NACAD: variants seen among roughly 807,000 people sequenced by gnomAD.
NACAD encodes NAC alpha domain containing.
A neutral mutation model predicts 98.9 loss-of-function variants in NACAD; 47 were observed. The observed-to-expected ratio is 0.48, with a 90% CI of 0.38 to 0.61. The LOEUF is 0.61. Among genes scored for constraint, NACAD ranks in the 20% least tolerant of loss-of-function variants. The pLI is 0.00. For synonymous variants in NACAD, 696 were observed against 767.2 expected (o/e 0.91, Z 1.53); for missense variants, 1,412 against 1,748.2 (o/e 0.81, Z 3.43).
chr7:45,082,253 C>CTTGG lies in NACAD; in HGVS notation c.3923_3926dup (p.Lys1309AsnfsTer45). 6.5e-7 allele frequency: 1 copy of CTTGG among 1,550,236 alleles called. No individual in the cohort carries two copies. The highest frequency in any genetic ancestry group is 8.7e-7 in the Non-Finnish European group (1 of 1,146,652). On this transcript the variant is annotated frameshift_variant, in exon 2 of 8. Coordinates refer to ENST00000490531, the MANE Select transcript of NACAD (RefSeq NM_001146334.2). LOFTEE classifies it high-confidence loss of function. The surrounding 1 kb of genome is among the most constrained non-coding windows in gnomAD (Gnocchi z 4.5). ...GGTCTTTGGCATCCATGGAGGCCAC[C>CTTGG]TTGGGGCTGAGGAGTGGGGAGTGAG...
Position 45,085,635 on chromosome 7 carries a change from T to C in NACAD, c.545A>G (p.Lys182Arg), listed in dbSNP as rs375613168. 9.0e-6 allele frequency: 14 copies of C among 1,547,862 alleles called. No individual in the cohort carries two copies. In the South Asian group the frequency reaches 1.4e-4, roughly 16 times the overall value. ...GGCAGGAAGCAGGGCATAGGTGGTC[T>C]TGGTGGGGGTGGAGGGAGGCGTGAA... ...SFFTPPSTPTKTTYALLPACG... is the reference protein window; with the variant it reads ...SFFTPPSTPTRTTYALLPACG... The change falls in exon 2 of 8, where the codon AAG (lysine) becomes AGG (arginine). Residue 182 changes from lysine (K) to arginine (R), a missense_variant. Lys to Arg is a conservative substitution (Grantham distance 26). Transcript: ENST00000490531. The surrounding 1 kb of genome is among the most constrained non-coding windows in gnomAD (Gnocchi z 6.1).
chr7:45,081,862 G>T lies in NACAD; in HGVS notation c.4078C>A (p.Pro1360Thr). 6.5e-7 allele frequency: 1 copy of T among 1,545,126 alleles called. No individual in the cohort carries two copies. ...TGCTGGCCCGAGCCCAGGGCCCGAG[G>T]CGAGTCTGGGGAAGGGGAGAGGTGT... ...EDEDSLEEDS[P>T]RALGSGQHSD... Residue 1360 changes from proline (P) to threonine (T), a missense_variant, in exon 3 of 8, where the codon CCT (proline) becomes ACT (threonine). Physicochemically the swap from Pro to Thr is conservative, Grantham distance 38. Transcript: ENST00000490531.
chr7:45,084,300 GAC>G lies in NACAD; in HGVS notation c.1878_1879del (p.Ser627ProfsTer4), dbSNP rs1784475951. On this transcript the variant is annotated frameshift_variant, in exon 2 of 8. Transcript: ENST00000490531. LOFTEE classifies it high-confidence loss of function. Reference sequence around the variant, plus strand: ...GGTGAGGCCCTCTTCAGCCTGCTGGGACACAATCGTGGCTGCAGCCACAGGCT... The same window carrying G: ...GGTGAGGCCCTCTTCAGCCTGCTGGGACAATCGTGGCTGCAGCCACAGGCT... 1 of 1,384,978 alleles carries G rather than the reference GAC, an allele frequency of 7.2e-7. No individual in the cohort carries two copies. The highest frequency in any genetic ancestry group is 9.5e-7 in the Non-Finnish European group (1 of 1,053,072). 85.8% of individuals were successfully genotyped at this position (1,384,978 alleles called of 1,614,324 possible).
At chr7:45,080,817 A>G in intron 6 of NACAD, 55 bp from the exon 7 acceptor site, 1 of 1,549,528 alleles carries the variant, frequency 6.5e-7, no homozygotes, top group South Asian at 1.2e-5. Context: ...CCTGGGGCAG[A>G]GCCCCCATGT....
chr7:45,082,411 C>T lies in NACAD; in HGVS notation c.3769G>A (p.Asp1257Asn), dbSNP rs1182121943. The change falls in exon 2 of 8, where the codon GAC becomes AAC. Residue 1257 changes from aspartate (D) to asparagine (N), a missense_variant. By Grantham distance (23) the Asp-to-Asn change is conservative. Transcript: ENST00000490531. The surrounding 1 kb of genome is among the most constrained non-coding windows in gnomAD (Gnocchi z 4.5). The part of the protein sequence containing the change: ...APCLCQDPQE[D>N]SVEDEEPPGS... ...GGGGGCTCCTCGTCTTCCACAGAGT[C>T]TTCCTGGGGGTCCTGGCACAGGCAG... 2 of 1,549,334 alleles carry T rather than the reference C, an allele frequency of 1.3e-6. No homozygotes were observed. Among genetic ancestry groups the T allele is most frequent in the Non-Finnish European group, 1.7e-6 (2 of 1,146,602 alleles).
At chr7:45,080,790 T>C in intron 6 of NACAD, 28 bp from the exon 7 acceptor site, 1 of 1,550,132 alleles carries the variant, frequency 6.5e-7, no homozygotes, top group African/African-American at 1.4e-5. Flanking sequence ...GGGAAGTGGC[T>C]GGAGCTGCTT....
Position 45,085,244 on chromosome 7 carries a change from G to A in NACAD, c.936C>T (p.Pro312=), listed in dbSNP as rs747003534. 15 of 1,551,324 alleles carry A rather than the reference G, an allele frequency of 9.7e-6. No homozygotes were observed. In the African/African-American group the frequency reaches 2.1e-4, roughly 21 times the overall value. The change falls in exon 2 of 8, where the codon CCC becomes CCT. Residue 312 remains proline (P), a synonymous_variant. Coordinates refer to ENST00000490531, the MANE Select transcript of NACAD (RefSeq NM_001146334.2). The surrounding 1 kb of genome is among the most constrained non-coding windows in gnomAD (Gnocchi z 6.1). ...CCTGAAAGATGAGGCTGCCCTGGAAGGGTAGGAGGGCTGCGGGGATCATTG... is the reference window on the plus strand; with the variant it reads ...CCTGAAAGATGAGGCTGCCCTGGAAAGGTAGGAGGGCTGCGGGGATCATTG... The part of the protein sequence containing the change: ...NDPMIPAALL[P]FQGSLIFQVE...
At chr7:45,087,665 G>T (rs1001304968) in intron 1 of NACAD, among the ~76,000 whole-genome samples, 8 of 152,262 alleles carry the variant, frequency 5.3e-5, no homozygotes, top group Admixed American at 1.3e-4. Context: ...CCTGAGCCCT[G>T]AACCACCAGC....
Position 45,082,900 on chromosome 7 carries a change from T to C in NACAD, c.3280A>G (p.Arg1094Gly), listed in dbSNP as rs993219328. 9 of 1,550,912 alleles carry C rather than the reference T, an allele frequency of 5.8e-6. No homozygotes were observed. Among genetic ancestry groups the C allele is most frequent in the Non-Finnish European group, 6.1e-6 (7 of 1,146,994 alleles). ...TCCCTTGCACCTCCAAGTGCTGACC[T>C]GGGTCCATGTTCCTGTGCCAGTGGC... The part of the protein sequence containing the change: ...LKPLAQEHGP[R>G]SALGGAREVP... The change falls in exon 2 of 8, where the codon AGG (arginine) becomes GGG (glycine). Residue 1094 changes from arginine (R) to glycine (G), a missense_variant. Coordinates refer to ENST00000490531, the MANE Select transcript of NACAD (RefSeq NM_001146334.2). This position sits in a 1 kb window ranked among gnomAD's most constrained non-coding sequence, Gnocchi z 4.5.
At position 45,085,796 on chromosome 7, in the gene NACAD, G is replaced by T; in HGVS notation, c.384C>A (p.Ala128=). ...RIVMGEETCQ[A]LLSPRAARTA... The stretch of plus-strand genomic sequence containing the variant: ...TCCGGGCAGCTCTGGGTGACAGGAG[G>T]GCCTGGCACGTCTCCTCTCCCATCA... Residue 128 remains alanine, a synonymous_variant, in exon 2 of 8, where the codon GCC becomes GCA. Coordinates refer to ENST00000490531, the MANE Select transcript of NACAD (RefSeq NM_001146334.2). This position sits in a 1 kb window ranked among gnomAD's most constrained non-coding sequence, Gnocchi z 6.1. 2 of 1,540,608 alleles carry T rather than the reference G, an allele frequency of 1.3e-6. No homozygotes were observed. The highest frequency in any genetic ancestry group is 2.5e-5 in the East Asian group (1 of 40,782).
chr7:45,085,247 T>C lies in NACAD; in HGVS notation c.933A>G (p.Leu311=). The change falls in exon 2 of 8, where the codon CTA becomes CTG. Residue 311 remains leucine, a synonymous_variant. Coordinates refer to ENST00000490531, the MANE Select transcript of NACAD (RefSeq NM_001146334.2). The surrounding 1 kb of genome is among the most constrained non-coding windows in gnomAD (Gnocchi z 6.1). ...GAAAGATGAGGCTGCCCTGGAAGGG[T>C]AGGAGGGCTGCGGGGATCATTGGGT... ...ANDPMIPAAL[L]PFQGSLIFQV... is the part of the protein sequence containing the mutation. 3.9e-6 allele frequency: 6 copies of C among 1,551,052 alleles called. No homozygotes were observed. The highest frequency in any genetic ancestry group is 5.2e-6 in the Non-Finnish European group (6 of 1,146,836).
At position 45,088,541 on chromosome 7, in the gene NACAD, A is replaced by C. The variant is rs1784556338; in HGVS notation, c.67+287T>G. On this transcript the variant is annotated intron_variant, in intron 1 of 7. Transcript: ENST00000490531. The surrounding 1 kb of genome is among the most constrained non-coding windows in gnomAD (Gnocchi z 5.7). ...CAGCTCGGTGCAAACAACGGGATGC[A>C]GCGGGCGGGATGCGAGCCCCACGAT... 1.3e-5 allele frequency among the ~76,000 whole-genome samples: 2 copies of C among 152,188 alleles called. No individual in the cohort carries two copies. The highest frequency in any genetic ancestry group is 2.9e-5 in the Non-Finnish European group (2 of 68,020).
In NACAD at chr7:45,083,429, G is replaced by A; in HGVS notation, c.2751C>T (p.Pro917=). The change falls in exon 2 of 8, where the codon CCC becomes CCT. Residue 917 remains proline, a synonymous_variant. Coordinates refer to ENST00000490531, the MANE Select transcript of NACAD (RefSeq NM_001146334.2). ...GAGGTGCTGTCATAGCGGAGTCCTG[G>A]GGTAAGGTGAGGCCCTCTTCAGCCT... The part of the protein sequence containing the change: ...SQQAEEGLTL[P]QDSAMTAPLP... 6.5e-7 allele frequency: 1 copy of A among 1,548,634 alleles called. No homozygotes were observed.
intron 1 of NACAD, 81 bp from the exon 2 acceptor site, chr7:45,086,193 C>T: frequency 7.1e-7 from 1 of 1,414,460 alleles, no homozygotes; most frequent in Non-Finnish European, 9.5e-7. Flanking sequence ...TGAATTCCGG[C>T]TGCATAGGGC....
In NACAD at chr7:45,082,087, C is replaced by T. The variant is rs1464484252; in HGVS notation, c.4072+21G>A. On this transcript the variant is annotated intron_variant, in intron 2 of 7. Transcript: ENST00000490531. This position sits in a 1 kb window ranked among gnomAD's most constrained non-coding sequence, Gnocchi z 4.5. ...AGTTGACCCAAGCCCCAGGGCACTT[C>T]ACTCCCACCCTCTGCCTTACCTTCC... 1 of 1,463,064 alleles carries T rather than the reference C, an allele frequency of 6.8e-7. No homozygotes were observed. The highest frequency in any genetic ancestry group is 2.7e-5 in the Admixed American group (1 of 36,700). 90.6% of individuals were successfully genotyped at this position (1,463,064 alleles called of 1,614,324 possible).
In NACAD at chr7:45,082,253, C is replaced by A. The variant is rs1446426904; in HGVS notation, c.3927G>T (p.Lys1309Asn). The change falls in exon 2 of 8, where the codon AAG becomes AAT. Residue 1309 changes from lysine (K) to asparagine (N), a missense_variant. Coordinates refer to ENST00000490531, the MANE Select transcript of NACAD (RefSeq NM_001146334.2). The surrounding 1 kb of genome is among the most constrained non-coding windows in gnomAD (Gnocchi z 4.5). ...GGTCTTTGGCATCCATGGAGGCCAC[C>A]TTGGGGCTGAGGAGTGGGGAGTGAG... ...LSPHSPLLSP[K>N]VASMDAKDLA... 6.5e-7 allele frequency: 1 copy of A among 1,550,236 alleles called. No individual in the cohort carries two copies. The highest frequency in any genetic ancestry group is 1.2e-5 in the South Asian group (1 of 84,006).
chr7:45,088,903 C>G lies in NACAD; in HGVS notation c.-9G>C. On this transcript the variant is annotated 5_prime_UTR_variant, in exon 1 of 8. Transcript: ENST00000490531. The surrounding 1 kb of genome is among the most constrained non-coding windows in gnomAD (Gnocchi z 5.7). ...GCAGCCTCCCCAGGCATGGCCTGGC[C>G]GTGCGCCCGCCCGTCCCTCAGTCCT... 2 of 1,419,572 alleles carry G rather than the reference C, an allele frequency of 1.4e-6. No individual in the cohort carries two copies. Among genetic ancestry groups the G allele is most frequent in the African/African-American group, 1.5e-5 (1 of 67,474 alleles). 87.9% of individuals were successfully genotyped at this position (1,419,572 alleles called of 1,614,324 possible). A position where few individuals can be genotyped will look rare whatever the true frequency, so the allele number is the denominator to read the frequency against.
chr7:45,083,265 G>A lies in NACAD; in HGVS notation c.2915C>T (p.Ala972Val). The A allele has an allele frequency of 6.4e-7, 1 of 1,551,056 alleles. No homozygotes were observed. Among genetic ancestry groups the A allele is most frequent in the Non-Finnish European group, 8.7e-7 (1 of 1,146,986 alleles). Residue 972 changes from alanine (A) to valine (V), a missense_variant, in exon 2 of 8, where the codon GCC becomes GTC. By Grantham distance (64) the Ala-to-Val change is moderately conservative (BLOSUM62 0). Coordinates refer to ENST00000490531, the MANE Select transcript of NACAD (RefSeq NM_001146334.2). ...ATMAQQEVGE[A>V]LGPRPAPEEK... is the part of the protein sequence containing the mutation. ...CTCAGGTGCTGGCCTGGGGCCTAAG[G>A]CCTCACCTACTTCCTGCTGAGCCAT...
rs751302163 is a variant in NACAD at position 45,085,826 on chromosome 7, C to A, written c.354G>T (p.Arg118=). ...EAPLPATLEP[R]IVMGEETCQA... ...GGCACGTCTCCTCTCCCATCACAAT[C>A]CGGGGCTCCAGGGTGGCCGGGAGAG... Residue 118 remains arginine (R), a synonymous_variant, in exon 2 of 8, where the codon CGG becomes CGT. Transcript: ENST00000490531. The surrounding 1 kb of genome is among the most constrained non-coding windows in gnomAD (Gnocchi z 6.1). The A allele has an allele frequency of 6.5e-7, 1 of 1,539,908 alleles. No homozygotes were observed.
Sources: gnomAD v4.1 joint callset for allele counts (sites outside exome capture counted in the v4.1 genomes callset) on GRCh38, gnomAD v4.1.1 for gene constraint, Gnocchi (gnomAD v3.1) non-coding constraint, MANE v1.5 for transcripts, NCBI Gene and HGNC (gene_info 2026-07-23, HGNC 2026-07-21) for gene names.